Variants in SYN2 observed in about 807,000 individuals in gnomAD.
SYN2 encodes synapsin-2.
A neutral mutation model predicts 50.9 loss-of-function variants in SYN2; 19 were observed. The observed-to-expected ratio is 0.37, with a 90% confidence interval of 0.26 to 0.55. SYN2 has a LOEUF of 0.55. Ranked by LOEUF, SYN2 falls within the 20% of genes least tolerant of loss-of-function variation. The probability of loss-of-function intolerance (pLI) is 0.81; values close to 1 mark genes in which losing one functional copy is unlikely to be tolerated. For synonymous variants in SYN2, 255 were observed against 224.9 expected (o/e 1.13, Z -1.20); for missense variants, 587 against 576.4 (o/e 1.02, Z -0.19).
chr3:12,067,575 C>A (rs997170749), intron 1 of SYN2, among the ~76,000 whole-genome samples: 1 of 149,350 alleles, frequency 6.7e-6, no homozygotes, highest in Non-Finnish European at 1.5e-5. Flanking sequence ...AAATCATTTT[C>A]ATCTGCATAT....
chr3:12,128,671 C>T (rs1004143979), intron 1 of SYN2, among the ~76,000 whole-genome samples: 8 of 152,192 alleles, frequency 5.3e-5, no homozygotes, highest in African/African-American at 1.2e-4. Flanking sequence ...TCCCATCATA[C>T]GTTGGAAAAA....
At chr3:12,173,257 T>C (rs1697977598) in intron 10 of SYN2, among the ~76,000 whole-genome samples, 1 of 152,188 alleles carries the variant, frequency 6.6e-6, no homozygotes, top group Non-Finnish European at 1.5e-5. Context: ...CCACCTCCCA[T>C]TTCTTCTAGA....
intron 1 of SYN2, among the ~76,000 whole-genome samples, chr3:12,095,109 G>T (rs577091159): frequency 6.6e-5 from 10 of 152,046 alleles, no homozygotes; most frequent in African/African-American, 2.4e-4. Flanking sequence ...CTAGTTTGAC[G>T]AAAGCCAAAG....
rs373156848 is a variant in SYN2 at position 12,169,796 on chromosome 3, G to A, written c.1198G>A (p.Val400Met). ...CATGCCACTGATTGGGGAACATCAG[G>A]TGGAGGACAGGCAACTCATCACCGA... ...CSMPLIGEHQ[V>M]EDRQLITELV... The change falls in exon 10 of 13, where the codon GTG becomes ATG. Residue 400 changes from valine to methionine, a missense_variant. Transcript: ENST00000621198. 20 of 1,613,824 alleles carry A rather than the reference G, an allele frequency of 1.2e-5. No homozygotes were observed. The East Asian group carries it at 3.3e-4, about 27-fold the overall frequency.
At position 12,039,520 on chromosome 3, in the gene SYN2, C is replaced by G. The variant is rs1296739516; in HGVS notation, c.377+34592C>G. Among the ~76,000 whole-genome samples, 5 of 149,636 alleles carry G rather than the reference C, an allele frequency of 3.3e-5. 1 individual carries two copies. The highest frequency in any genetic ancestry group is 7.4e-5 in the Non-Finnish European group (5 of 67,730). ...GTATTCTTGATGGTGATGTTCCTAT[C>G]CTGCAGATGAGAAAACAAAGAAGCA... On this transcript the variant is annotated intron_variant, in intron 1 of 12. Coordinates refer to ENST00000621198, the MANE Select transcript of SYN2 (RefSeq NM_133625.6).
intron 1 of SYN2, among the ~76,000 whole-genome samples, chr3:12,064,945 A>T (rs999215983): frequency 6.6e-6 from 1 of 152,170 alleles, no homozygotes; most frequent in African/African-American, 2.4e-5. Context: ...TTATTCATAT[A>T]GCCAAAAAGT....
At chr3:12,089,988 A>G (rs142520099) in intron 1 of SYN2, among the ~76,000 whole-genome samples, 64 of 152,328 alleles carry the variant, frequency 4.2e-4, no homozygotes, top group African/African-American at 1.3e-3. Context: ...AGAGAATTCA[A>G]TGAGCACTAG....
intron 7 of SYN2, among the ~76,000 whole-genome samples, chr3:12,166,053 AG>A (rs1485463032): frequency 1.3e-5 from 2 of 152,194 alleles, no homozygotes; most frequent in Non-Finnish European, 2.9e-5. Flanking sequence ...GGGTTTGGTG[AG>A]GAGGCACCTT....
chr3:12,013,780 C>T (rs1204834292), intron 1 of SYN2, among the ~76,000 whole-genome samples: 1 of 152,188 alleles, frequency 6.6e-6, no homozygotes, highest in Non-Finnish European at 1.5e-5. Context: ...CTTCTTACAT[C>T]CTATAGGTAG....
At chr3:12,124,696 A>G (rs1311010325) in intron 1 of SYN2, among the ~76,000 whole-genome samples, 3 of 152,234 alleles carry the variant, frequency 2.0e-5, no homozygotes, top group African/African-American at 7.2e-5. Context: ...AGGCAGATAG[A>G]TATAAAATAG....
rs117621918 is a variant in SYN2 at position 12,108,368 on chromosome 3, T to C, written c.378-32283T>C. ...AAAGCGTGGATGAAAATAACGCAGA[T>C]ATCCCTCACTTCTGTGCTTTTCTCA... is the stretch of plus-strand genomic sequence containing the variant. On this transcript the variant is annotated intron_variant, in intron 1 of 12. Transcript: ENST00000621198. Among the ~76,000 whole-genome samples the C allele has an allele frequency of 8.8e-4, 134 of 152,308 alleles. No individual in the cohort carries two copies. In the East Asian group the frequency reaches 0.024, roughly 28 times the overall value.
At chr3:12,158,767 C>G in intron 5 of SYN2, 12 of 1,606,248 alleles carry the variant, frequency 7.5e-6, no homozygotes, top group Non-Finnish European at 9.3e-6. Context: ...CTCACCCAGC[C>G]CCGGGGGCCG....
chr3:12,076,248 T>A (rs1695465238), intron 1 of SYN2, among the ~76,000 whole-genome samples: 1 of 152,060 alleles, frequency 6.6e-6, no homozygotes, highest in Admixed American at 6.6e-5. Flanking sequence ...CTGGAATAAG[T>A]GCAGTCATAT....
chr3:12,077,194 T>C (rs1460871677), intron 1 of SYN2, among the ~76,000 whole-genome samples: 1 of 152,096 alleles, frequency 6.6e-6, no homozygotes, highest in Non-Finnish European at 1.5e-5. Context: ...TTGAGCTTGG[T>C]ATCAGTGACC....
intron 11 of SYN2, among the ~76,000 whole-genome samples, chr3:12,186,010 G>C (rs1211443356): frequency 6.6e-6 from 1 of 152,156 alleles, no homozygotes; most frequent in Non-Finnish European, 1.5e-5. Context: ...ACTAACTCTG[G>C]TATTATTTGG....
At chr3:12,127,434 C>T (rs755259415) in intron 1 of SYN2, among the ~76,000 whole-genome samples, 2 of 152,182 alleles carry the variant, frequency 1.3e-5, no homozygotes, top group African/African-American at 2.4e-5. Context: ...GTTTCTTTGC[C>T]TATGAGAGGA....
intron 1 of SYN2, among the ~76,000 whole-genome samples, chr3:12,112,097 A>C (rs1696329998): frequency 6.6e-6 from 1 of 152,164 alleles, no homozygotes; most frequent in African/African-American, 2.4e-5. Flanking sequence ...AGTGTTTGTC[A>C]CTGAAAAACA....
At chr3:12,114,197 G>T (rs80235264) in intron 1 of SYN2, among the ~76,000 whole-genome samples, 11,975 of 151,642 alleles carry the variant, frequency 0.079, 577 homozygotes, top group African/African-American at 0.13. Flanking sequence ...CCTTAATGAC[G>T]AATGATGTTG....
intron 1 of SYN2, 144 bp from the exon 2 acceptor site, chr3:12,140,507 A>C: frequency 1.5e-6 from 1 of 680,534 alleles, no homozygotes; most frequent in South Asian, 1.6e-5. Flanking sequence ...TGGTGATCTC[A>C]TAGCAGAATG....
Sources: gnomAD v4.1 joint callset for allele counts (sites outside exome capture counted in the v4.1 genomes callset) on GRCh38, gnomAD v4.1.1 for gene constraint, MANE v1.5 for transcripts, NCBI Gene and HGNC (gene_info 2026-07-23, HGNC 2026-07-21) for gene names.